Variants in DAAM1 observed in about 807,000 individuals in gnomAD.
The protein encoded by DAAM1 is dishevelled associated activator of morphogenesis 1, also known as disheveled-associated activator of morphogenesis 1.
In DAAM1, 52 loss-of-function variants were observed where a neutral mutation model predicts 130.0. The ratio of observed to expected loss-of-function variants is 0.40; its 90% CI spans 0.32 to 0.50. The LOEUF is 0.50. Ranked by LOEUF, DAAM1 falls within the 20% of genes least tolerant of loss-of-function variation. The pLI, the probability that DAAM1 is intolerant of heterozygous loss-of-function variation, is 0.61. For synonymous variants in DAAM1, 452 were observed against 444.5 expected, an observed-to-expected ratio of 1.02 and a Z score of -0.21; for missense variants, 1,134 against 1,303.8, an observed-to-expected ratio of 0.87 and a Z score of 2.01.
chr14:59,291,575 AT>A (rs1883741547), intron 3 of DAAM1: 2 of 386,660 alleles, frequency 5.2e-6, no homozygotes, highest in South Asian at 5.6e-5. Context: ...CACAAGACAA[AT>A]TCCCCCCAAC....
Position 59,326,942 on chromosome 14 carries a change from T to C in DAAM1, c.1323T>C (p.Asn441=), listed in dbSNP as rs987331942. 2.5e-6 allele frequency: 4 copies of C among 1,613,852 alleles called. No individual in the cohort carries two copies. Among genetic ancestry groups the C allele is most frequent in the Non-Finnish European group, 3.4e-6 (4 of 1,179,958 alleles). Residue 441 remains asparagine, a synonymous_variant, in exon 12 of 25, where the codon AAT becomes AAC. Coordinates refer to ENST00000360909, the MANE Select transcript of DAAM1 (RefSeq NM_001270520.2). ...NIKNVVRMLV[N]ENEVKQWKEQ... ...TTGAACTCTTACACAGGTTGGTTAA[T>C]GAAAATGAAGTTAAGCAGTGGAAAG...
At chr14:59,332,045 T>G in intron 15 of DAAM1, 125 bp downstream of exon 15, 1 of 777,108 alleles carries the variant, frequency 1.3e-6, no homozygotes, top group South Asian at 1.7e-5. Context: ...GGATCTACCC[T>G]GTGCATGTCC....
intron 8 of DAAM1, among the ~76,000 whole-genome samples, chr14:59,324,811 T>C (rs1403520958): frequency 6.6e-6 from 1 of 152,218 alleles, no homozygotes; most frequent in Non-Finnish European, 1.5e-5. Context: ...GACAGTGATT[T>C]TCCAGGAATG....
At chr14:59,234,049 T>G (rs1228983684) in intron 1 of DAAM1, among the ~76,000 whole-genome samples, 1 of 152,206 alleles carries the variant, frequency 6.6e-6, no homozygotes, top group Non-Finnish European at 1.5e-5. Flanking sequence ...AAATATAGTT[T>G]GAGGTCAGGT....
chr14:59,267,570 G>T (rs1882500825), intron 2 of DAAM1, among the ~76,000 whole-genome samples: 1 of 151,946 alleles, frequency 6.6e-6, no homozygotes, highest in African/African-American at 2.4e-5. Context: ...GTGCAATTCA[G>T]TGGCTTTTAG....
chr14:59,343,697 C>T (rs924017150), intron 16 of DAAM1, among the ~76,000 whole-genome samples: 13 of 152,222 alleles, frequency 8.5e-5, no homozygotes, highest in African/African-American at 3.1e-4. Flanking sequence ...TCAGGGGCAC[C>T]TGCCACAGCT....
chr14:59,270,551 A>C (rs1394130854), intron 2 of DAAM1, among the ~76,000 whole-genome samples: 1 of 152,192 alleles, frequency 6.6e-6, no homozygotes, highest in African/African-American at 2.4e-5. Context: ...AGATTTCAAC[A>C]TGAGATTTGG....
chr14:59,207,859 T>C (rs1263653957), intron 1 of DAAM1, among the ~76,000 whole-genome samples: 1 of 152,202 alleles, frequency 6.6e-6, no homozygotes, highest in East Asian at 1.9e-4. Context: ...CTTGGGTTTT[T>C]TCCTGACAGC....
chr14:59,258,650 T>C (rs1882018905), intron 1 of DAAM1, among the ~76,000 whole-genome samples: 1 of 152,208 alleles, frequency 6.6e-6, no homozygotes, highest in Non-Finnish European at 1.5e-5. Context: ...TGATTCCTTT[T>C]GTTTCCTGTT....
chr14:59,235,730 T>C (rs1004602989), intron 1 of DAAM1, among the ~76,000 whole-genome samples: 6 of 152,210 alleles, frequency 3.9e-5, no homozygotes, highest in African/African-American at 1.4e-4. Context: ...AATTGTGATG[T>C]TAGGGTGTTG....
At chr14:59,337,153 GA>G (rs1173863988) in intron 15 of DAAM1, among the ~76,000 whole-genome samples, 5 of 151,888 alleles carry the variant, frequency 3.3e-5, no homozygotes, top group South Asian at 4.2e-4. Flanking sequence ...CTCTTTAAGA[GA>G]AAAAAAATAG....
chr14:59,355,360 G>C (rs750356924), intron 20 of DAAM1, 27 bp downstream of exon 20: 6 of 1,611,820 alleles, frequency 3.7e-6, no homozygotes, highest in Non-Finnish European at 5.1e-6. Flanking sequence ...CCAACACTTG[G>C]GGGAGCCAGG....
chr14:59,209,641 G>A lies in DAAM1; in HGVS notation c.-38+20873G>A, dbSNP rs891626913. Among the ~76,000 whole-genome samples, 5 of 152,262 alleles carry A rather than the reference G, an allele frequency of 3.3e-5. No homozygotes were observed. In the East Asian group the frequency reaches 9.7e-4, roughly 29 times the overall value. ...TTGTGTTAGGTAATTTTGCCCAATT[G>A]TAGGGTAATGTAAGTGTTTTTGAGC... On this transcript the variant is annotated intron_variant, in intron 1 of 24. Coordinates refer to ENST00000360909, the MANE Select transcript of DAAM1 (RefSeq NM_001270520.2).
chr14:59,230,972 A>G (rs753671512), intron 1 of DAAM1, among the ~76,000 whole-genome samples: 10 of 152,196 alleles, frequency 6.6e-5, no homozygotes, highest in Admixed American at 3.3e-4. Context: ...CTGTTGAACA[A>G]CTGTGCACTT....
intron 4 of DAAM1, among the ~76,000 whole-genome samples, chr14:59,318,470 C>T (rs892164558): frequency 6.7e-6 from 1 of 148,884 alleles, no homozygotes; most frequent in African/African-American, 2.5e-5. Flanking sequence ...AAGAAGCCTC[C>T]ACAAGGCCTG....
At chr14:59,294,678 T>A (rs1010747400) in intron 3 of DAAM1, among the ~76,000 whole-genome samples, 4 of 152,252 alleles carry the variant, frequency 2.6e-5, no homozygotes, top group African/African-American at 9.6e-5. Flanking sequence ...ATTCCCTTTT[T>A]TAGTTCCAAT....
At chr14:59,364,934 T>C (rs906626973) in intron 23 of DAAM1, among the ~76,000 whole-genome samples, 5 of 152,212 alleles carry the variant, frequency 3.3e-5, no homozygotes, top group Admixed American at 1.3e-4. Flanking sequence ...CCCCCATCCA[T>C]GTTTTATGTA....
In DAAM1 at chr14:59,353,975, G is replaced by C. The variant is rs1319923262; in HGVS notation, c.2356+11G>C. 2 of 1,612,404 alleles carry C rather than the reference G, an allele frequency of 1.2e-6. No individual in the cohort carries two copies. The highest frequency in any genetic ancestry group is 4.5e-5 in the East Asian group (2 of 44,782). ...AACCTAAAGTGGAAGGTAAAGTCAA[G>C]CTGTCTAGATTGGAAATGATGTTCA... On this transcript the variant is annotated intron_variant, in intron 19 of 24. Coordinates refer to ENST00000360909, the MANE Select transcript of DAAM1 (RefSeq NM_001270520.2).
At chr14:59,214,732 AT>A (rs993764456) in intron 1 of DAAM1, among the ~76,000 whole-genome samples, 2 of 151,384 alleles carry the variant, frequency 1.3e-5, no homozygotes, top group Non-Finnish European at 2.9e-5. Flanking sequence ...GATATACCAC[AT>A]TTTTTTTTAT....
Sources: allele counts gnomAD v4.1 joint callset (sites outside exome capture counted in the v4.1 genomes callset), GRCh38; gene constraint gnomAD v4.1.1; transcripts MANE v1.5; gene names NCBI Gene and HGNC (gene_info 2026-07-23, HGNC 2026-07-21).